Variants in UBAC2 observed in about 807,000 individuals in gnomAD.
UBAC2 encodes the protein UBA domain containing 2, also known as ubiquitin-associated domain-containing protein 2.
In UBAC2, 26 loss-of-function variants were observed where a neutral mutation model predicts 44.0. That is an observed-to-expected ratio of 0.59 (90% CI 0.43 to 0.82). The LOEUF (loss-of-function observed/expected upper bound fraction) is 0.82, where lower values mean the gene tolerates loss of function less well. Ranked by LOEUF, UBAC2 falls within the 40% of genes least tolerant of loss-of-function variation. The pLI is 0.00. For synonymous variants in UBAC2, 155 were observed against 154.3 expected (o/e 1.00, Z -0.04); for missense variants, 329 against 419.4 (o/e 0.78, Z 1.88).
chr13:99,215,536 T>C (rs906462488), intron 1 of UBAC2: 3 of 1,472,988 alleles, frequency 2.0e-6, no homozygotes, highest in Admixed American at 1.7e-5. Context: ...TTTAAGTCTT[T>C]TGATGCATTT....
At chr13:99,248,194 G>C (rs1355287889) in intron 4 of UBAC2, among the ~76,000 whole-genome samples, 1 of 151,934 alleles carries the variant, frequency 6.6e-6, no homozygotes, top group Admixed American at 6.6e-5. Flanking sequence ...CTACTCTCCT[G>C]ATATTTCTTG....
At chr13:99,340,703 T>C in intron 7 of UBAC2, 138 bp downstream of exon 7, 2 of 994,220 alleles carry the variant, frequency 2.0e-6, no homozygotes, top group East Asian at 5.1e-5. Flanking sequence ...TCCAAAGAGA[T>C]TGTAGGTCTC....
At chr13:99,304,284 C>A (rs1300948247) in intron 4 of UBAC2, among the ~76,000 whole-genome samples, 1 of 152,194 alleles carries the variant, frequency 6.6e-6, no homozygotes, top group Non-Finnish European at 1.5e-5. Flanking sequence ...GGCCCCTATC[C>A]TGTATCCTTA....
chr13:99,305,918 CAG>C (rs1249521332), intron 4 of UBAC2, among the ~76,000 whole-genome samples: 1 of 151,660 alleles, frequency 6.6e-6, no homozygotes, highest in East Asian at 1.9e-4. Flanking sequence ...TCTATCGAGA[CAG>C]AGTCTCGCAT....
chr13:99,365,483 G>A (rs941655278), intron 7 of UBAC2, among the ~76,000 whole-genome samples: 6 of 151,928 alleles, frequency 3.9e-5, no homozygotes, highest in East Asian at 1.9e-4. Context: ...ACTTTGATAG[G>A]TAGGTAATAG....
chr13:99,257,234 A>G (rs917302547), intron 4 of UBAC2, among the ~76,000 whole-genome samples: 1 of 152,224 alleles, frequency 6.6e-6, no homozygotes, highest in Non-Finnish European at 1.5e-5. Flanking sequence ...ATTAATTTCT[A>G]TCAAATGAGG....
At chr13:99,310,303 G>C (rs1030752874) in intron 4 of UBAC2, among the ~76,000 whole-genome samples, 2 of 152,176 alleles carry the variant, frequency 1.3e-5, no homozygotes, top group Admixed American at 1.3e-4. Flanking sequence ...CTCTACTCCA[G>C]CCTGGGTGAC....
At chr13:99,381,670 G>C (rs2138931128) in intron 8 of UBAC2, among the ~76,000 whole-genome samples, 1 of 152,218 alleles carries the variant, frequency 6.6e-6, no homozygotes, top group South Asian at 2.1e-4. Context: ...CCCAAGATTG[G>C]AAAGACCACC....
At chr13:99,262,871 A>G (rs2043688093) in intron 4 of UBAC2, among the ~76,000 whole-genome samples, 1 of 152,164 alleles carries the variant, frequency 6.6e-6, no homozygotes, top group African/African-American at 2.4e-5. Context: ...ATGTATCTAT[A>G]AGGTTGAGGG....
intron 6 of UBAC2, among the ~76,000 whole-genome samples, chr13:99,333,617 A>G (rs1314094069): frequency 6.6e-6 from 1 of 152,246 alleles, no homozygotes; most frequent in African/African-American, 2.4e-5. Context: ...TGGGATAGAA[A>G]TGTAAGCAGA....
chr13:99,218,290 T>C (rs567906533), intron 1 of UBAC2, among the ~76,000 whole-genome samples: 1 of 152,264 alleles, frequency 6.6e-6, no homozygotes, highest in Admixed American at 6.5e-5. Flanking sequence ...AAAATGAACA[T>C]TTAGGTGCCC....
intron 4 of UBAC2, among the ~76,000 whole-genome samples, chr13:99,263,566 G>A (rs2043698903): frequency 6.6e-6 from 1 of 152,226 alleles, no homozygotes; most frequent in African/African-American, 2.4e-5. Context: ...GCTGGTGGGA[G>A]TTTAAATATG....
intron 2 of UBAC2, among the ~76,000 whole-genome samples, chr13:99,243,437 C>A (rs145311407): frequency 7.3e-4 from 111 of 152,012 alleles, no homozygotes; most frequent in Non-Finnish European, 7.7e-4. Context: ...GAGTTTATAC[C>A]TAAGTTGTTT....
intron 8 of UBAC2, chr13:99,377,088 T>G (rs2045490654): frequency 6.6e-6 from 1 of 152,386 alleles, no homozygotes; most frequent in South Asian, 2.1e-4. Context: ...TCTCATTTTG[T>G]CCTCCACATG....
chr13:99,326,153 G>A (rs754043235), intron 6 of UBAC2, among the ~76,000 whole-genome samples: 11 of 152,150 alleles, frequency 7.2e-5, no homozygotes, highest in Non-Finnish European at 1.3e-4. Context: ...TCTGCCAACT[G>A]TGCACAGGGG....
chr13:99,255,048 C>G, intron 4 of UBAC2: 2 of 1,614,100 alleles, frequency 1.2e-6, no homozygotes, highest in Non-Finnish European at 1.7e-6. Context: ...TGCTGAGGTT[C>G]ATGAGGAAGG....
At chr13:99,319,657 C>T (rs920928223) in intron 6 of UBAC2, among the ~76,000 whole-genome samples, 1 of 152,202 alleles carries the variant, frequency 6.6e-6, no homozygotes. Context: ...CCTGATTTGG[C>T]TTCAGGACCA....
chr13:99,217,532 T>G (rs1566451512), intron 1 of UBAC2, among the ~76,000 whole-genome samples: 2 of 152,164 alleles, frequency 1.3e-5, no homozygotes, highest in Admixed American at 6.6e-5. Context: ...CTTGTCACCC[T>G]GTTTGGTTGA....
At chr13:99,269,910 TAATA>T (rs1173874396) in intron 4 of UBAC2, among the ~76,000 whole-genome samples, 2 of 152,244 alleles carry the variant, frequency 1.3e-5, no homozygotes, top group Non-Finnish European at 2.9e-5. Flanking sequence ...AACATTTTTG[TAATA>T]AATAACAGAA....
Sources: gnomAD v4.1 joint callset for allele counts (sites outside exome capture counted in the v4.1 genomes callset) on GRCh38, gnomAD v4.1.1 for gene constraint, MANE v1.5 for transcripts, NCBI Gene and HGNC (gene_info 2026-07-23, HGNC 2026-07-21) for gene names.